ADAMTS17: variants seen among roughly 807,000 people sequenced by gnomAD.
The protein encoded by ADAMTS17 is ADAM metallopeptidase with thrombospondin type 1 motif 17, also known as A disintegrin and metalloproteinase with thrombospondin motifs 17.
In ADAMTS17, 113 loss-of-function variants were observed where a neutral mutation model predicts 141.5. The ratio of observed to expected loss-of-function variants is 0.80; its 90% CI spans 0.69 to 0.93. The LOEUF is 0.93. ADAMTS17 is among the 40% of genes least tolerant of loss of function. ADAMTS17 has a pLI of 0.00. For missense variants in ADAMTS17, 1,659 were observed against 1,517.9 expected (o/e 1.09, Z -1.54); for synonymous variants, 768 against 630.6 (o/e 1.22, Z -3.27).
intron 8 of ADAMTS17, among the ~76,000 whole-genome samples, chr15:100,167,195 G>C (rs2039983491): frequency 6.6e-6 from 1 of 152,140 alleles, no homozygotes; most frequent in Non-Finnish European, 1.5e-5. Flanking sequence ...CTTGAGGTGG[G>C]AGCCCTGGAT....
chr15:100,018,136 T>C (rs933689330), intron 18 of ADAMTS17, among the ~76,000 whole-genome samples: 10 of 152,160 alleles, frequency 6.6e-5, no homozygotes, highest in Non-Finnish European at 1.5e-4. Flanking sequence ...TTCACTACTC[T>C]AGATGCCTTA....
chr15:100,128,443 G>A (rs2037860508), intron 12 of ADAMTS17: 1 of 152,164 alleles, frequency 6.6e-6, no homozygotes. Flanking sequence ...ACAGAGATTG[G>A]ACGTGAAGAT....
intron 15 of ADAMTS17, among the ~76,000 whole-genome samples, chr15:100,056,338 C>A (rs1026706513): frequency 1.3e-5 from 2 of 151,888 alleles, no homozygotes; most frequent in African/African-American, 2.4e-5. Context: ...ATAGAAAAAA[C>A]CAAGGGGCCA....
intron 20 of ADAMTS17, among the ~76,000 whole-genome samples, chr15:99,977,401 A>ATATATATATATATTT (rs2060384375): frequency 1.9e-4 from 1 of 5,154 alleles, no homozygotes; most frequent in Non-Finnish European, 3.6e-4. Flanking sequence ...TATATATATA[A>ATATATATATATATTT]TTTTTTTTTT....
chr15:100,095,135 C>G (rs1219577440), intron 15 of ADAMTS17, among the ~76,000 whole-genome samples: 3 of 152,324 alleles, frequency 2.0e-5, no homozygotes, highest in East Asian at 3.9e-4. Context: ...GGCCACTTTC[C>G]CCCAAACCAA....
At chr15:100,140,199 T>C (rs1033360967) in intron 10 of ADAMTS17, among the ~76,000 whole-genome samples, 1 of 152,036 alleles carries the variant, frequency 6.6e-6, no homozygotes, top group Non-Finnish European at 1.5e-5. Flanking sequence ...TTTCACCATG[T>C]TGGCCAGGCT....
chr15:100,065,315 G>A (rs1014441618), intron 15 of ADAMTS17, among the ~76,000 whole-genome samples: 1 of 152,232 alleles, frequency 6.6e-6, no homozygotes, highest in Admixed American at 6.5e-5. Context: ...AATTAGTTTT[G>A]CTAGGTAATG....
At chr15:100,281,147 TGAG>T in intron 4 of ADAMTS17, 79 bp downstream of exon 4, 1 of 1,580,778 alleles carries the variant, frequency 6.3e-7, no homozygotes, top group Non-Finnish European at 8.6e-7. Flanking sequence ...CTTGAGGAGA[TGAG>T]GACACAGCAC....
At chr15:100,320,788 G>T (rs1265474489) in intron 3 of ADAMTS17, among the ~76,000 whole-genome samples, 1 of 152,040 alleles carries the variant, frequency 6.6e-6, no homozygotes, top group Non-Finnish European at 1.5e-5. Flanking sequence ...AACCAAGATC[G>T]CGCCACTGCA....
chr15:99,972,804 A>AAGAC lies in ADAMTS17; in HGVS notation c.*1594_*1597dup, dbSNP rs1479770777. The stretch of plus-strand genomic sequence containing the variant: ...TAGTAAAAACAAAAACACAGCTCGT[A>AAGAC]AGACAGGGTGGAGAAGGCAGAGAGG... On this transcript the variant is annotated 3_prime_UTR_variant, in exon 22 of 22. Transcript: ENST00000268070. The AAGAC allele has an allele frequency of 6.6e-6, 1 of 152,234 alleles. No homozygotes were observed. Among genetic ancestry groups the AAGAC allele is most frequent in the Non-Finnish European group, 1.5e-5 (1 of 68,040 alleles). 9.4% of individuals were successfully genotyped at this position (152,234 alleles called of 1,614,324 possible).
At chr15:100,273,592 G>T (rs919499548) in intron 4 of ADAMTS17, among the ~76,000 whole-genome samples, 1 of 151,998 alleles carries the variant, frequency 6.6e-6, no homozygotes, top group Non-Finnish European at 1.5e-5. Context: ...TTTATCAGTC[G>T]ATCTAGCTAA....
intron 7 of ADAMTS17, among the ~76,000 whole-genome samples, chr15:100,251,771 G>A (rs1310357192): frequency 6.6e-6 from 1 of 152,218 alleles, no homozygotes; most frequent in African/African-American, 2.4e-5. Flanking sequence ...GTTATGTGAG[G>A]TCACAGAGTA....
chr15:99,985,150 TCA>T (rs1274194993), intron 20 of ADAMTS17, among the ~76,000 whole-genome samples: 2 of 152,268 alleles, frequency 1.3e-5, no homozygotes, highest in Non-Finnish European at 2.9e-5. Context: ...CTCTGTGGAC[TCA>T]CACACAGTGT....
At chr15:100,272,492 T>C (rs1401283598) in intron 4 of ADAMTS17, among the ~76,000 whole-genome samples, 1 of 150,970 alleles carries the variant, frequency 6.6e-6, no homozygotes, top group Non-Finnish European at 1.5e-5. Context: ...TTTCAGATTA[T>C]TGTTAGCATA....
chr15:99,994,645 C>A (rs1392528562), intron 19 of ADAMTS17, among the ~76,000 whole-genome samples: 2 of 152,232 alleles, frequency 1.3e-5, no homozygotes, highest in African/African-American at 4.8e-5. Flanking sequence ...CGGCTCACTG[C>A]AACCTCCGCC....
chr15:100,245,108 AAG>A (rs766073387), intron 7 of ADAMTS17, among the ~76,000 whole-genome samples: 1 of 152,208 alleles, frequency 6.6e-6, no homozygotes, highest in Non-Finnish European at 1.5e-5. Context: ...CCGAGAGAAC[AAG>A]AGACACTCCT....
rs1290487167 is a variant in ADAMTS17, at chr15:99,997,215, C to T, written c.2796+170G>A. ...ATCAGAGACATGGTATCTATGTTTC[C>T]GCAGCCAGGCTGTTATCTGAGATGG... is the stretch of plus-strand genomic sequence containing the variant. On this transcript the variant is annotated intron_variant, in intron 19 of 21. Coordinates refer to ENST00000268070, the MANE Select transcript of ADAMTS17 (RefSeq NM_139057.4). This position sits in a 1 kb window ranked among gnomAD's most constrained non-coding sequence, Gnocchi z 4.7. Among the ~76,000 whole-genome samples, 4 of 152,210 alleles carry T rather than the reference C, an allele frequency of 2.6e-5. No homozygotes were observed. The highest frequency in any genetic ancestry group is 7.2e-5 in the African/African-American group (3 of 41,452).
chr15:100,309,277 C>T (rs1288946067), intron 3 of ADAMTS17, among the ~76,000 whole-genome samples: 2 of 152,170 alleles, frequency 1.3e-5, no homozygotes, highest in East Asian at 1.9e-4. Context: ...GTGGGAGGAT[C>T]GCTCGAGGAA....
intron 8 of ADAMTS17, among the ~76,000 whole-genome samples, chr15:100,181,248 G>A (rs1349252947): frequency 1.3e-5 from 2 of 152,180 alleles, no homozygotes; most frequent in Non-Finnish European, 2.9e-5. Flanking sequence ...CAGAAATGCT[G>A]TCCAGAGCAA....
Sources: gnomAD v4.1 joint callset for allele counts (sites outside exome capture counted in the v4.1 genomes callset) on GRCh38, gnomAD v4.1.1 for gene constraint, Gnocchi (gnomAD v3.1) non-coding constraint, MANE v1.5 for transcripts, NCBI Gene and HGNC (gene_info 2026-07-23, HGNC 2026-07-21) for gene names.